Variants in CNTN5 observed in about 807,000 individuals in gnomAD.
The protein encoded by CNTN5 is contactin-5.
A neutral mutation model predicts 129.1 loss-of-function variants in CNTN5; 77 were observed. The ratio of observed to expected loss-of-function variants is 0.60; its 90% confidence interval spans 0.50 to 0.72. The LOEUF (loss-of-function observed/expected upper bound fraction) is 0.72. CNTN5 is among the 30% of genes least tolerant of loss of function. The pLI is 0.00. For missense variants in CNTN5, 1,478 were observed against 1,328.8 expected, an observed-to-expected ratio of 1.11 and a Z score of -1.75; for synonymous variants, 509 against 465.6, an observed-to-expected ratio of 1.09 and a Z score of -1.20.
intron 18 of CNTN5, among the ~76,000 whole-genome samples, chr11:100,282,354 G>C (rs148311388): frequency 6.6e-6 from 1 of 152,324 alleles, no homozygotes; most frequent in Non-Finnish European, 1.5e-5. Context: ...GTACTGCCTT[G>C]ATAATCTTGA....
At chr11:99,486,369 A>G (rs1178142450) in intron 2 of CNTN5, among the ~76,000 whole-genome samples, 3 of 152,086 alleles carry the variant, frequency 2.0e-5, no homozygotes, top group Non-Finnish European at 4.4e-5. Context: ...CATACTGTGT[A>G]TTGTTTATTC....
At chr11:100,271,050 T>G (rs1344519965) in intron 17 of CNTN5, 42 bp from the exon 18 acceptor site, 1 of 1,505,846 alleles carries the variant, frequency 6.6e-7, no homozygotes. Flanking sequence ...GTAGCATTTT[T>G]CTAGTCCTCA....
chr11:99,506,580 T>G (rs925357374), intron 2 of CNTN5, among the ~76,000 whole-genome samples: 1 of 135,078 alleles, frequency 7.4e-6, no homozygotes, highest in Non-Finnish European at 1.6e-5. Context: ...TTAAAAAAAA[T>G]TATAGTGTTT....
intron 3 of CNTN5, among the ~76,000 whole-genome samples, chr11:99,745,062 G>A (rs2135182217): frequency 6.6e-6 from 1 of 152,272 alleles, no homozygotes; most frequent in South Asian, 2.1e-4. Context: ...GCACACGTAA[G>A]TCTTGCTTGG....
intron 9 of CNTN5, among the ~76,000 whole-genome samples, chr11:100,055,712 T>G (rs1201364036): frequency 1.3e-5 from 2 of 151,646 alleles, no homozygotes; most frequent in Non-Finnish European, 3.0e-5. Context: ...CTGGCTACTT[T>G]TAATATATGT....
intron 3 of CNTN5, among the ~76,000 whole-genome samples, chr11:99,726,955 CTA>C (rs1253066454): frequency 2.0e-5 from 3 of 152,026 alleles, no homozygotes; most frequent in African/African-American, 4.8e-5. Flanking sequence ...ATAATAGAAA[CTA>C]TCTTAGTCTA....
intron 1 of CNTN5, among the ~76,000 whole-genome samples, chr11:99,233,174 T>C (rs1861090438): frequency 6.6e-6 from 1 of 152,200 alleles, no homozygotes; most frequent in Non-Finnish European, 1.5e-5. Flanking sequence ...TTATAGTGCT[T>C]TGTCACAGCT....
At chr11:99,862,361 C>G (rs1250958567) in intron 6 of CNTN5, among the ~76,000 whole-genome samples, 2 of 24,976 alleles carry the variant, frequency 8.0e-5, no homozygotes, top group East Asian at 1.2e-3. Flanking sequence ...TCGCTTATAA[C>G]AGATGTTTTT....
intron 1 of CNTN5, among the ~76,000 whole-genome samples, chr11:99,094,218 C>A (rs1378799602): frequency 6.6e-6 from 1 of 151,776 alleles, no homozygotes; most frequent in Non-Finnish European, 1.5e-5. Flanking sequence ...TTATAAAATG[C>A]TGTTTTCAAT....
chr11:99,999,137 A>C (rs1397008249), intron 8 of CNTN5, among the ~76,000 whole-genome samples: 5 of 152,108 alleles, frequency 3.3e-5, no homozygotes, highest in African/African-American at 1.2e-4. Flanking sequence ...AATGGCAACA[A>C]AAGCCAAAAT....
At chr11:99,601,114 T>C (rs1950298907) in intron 3 of CNTN5, among the ~76,000 whole-genome samples, 1 of 152,246 alleles carries the variant, frequency 6.6e-6, no homozygotes, top group African/African-American at 2.4e-5. Context: ...TGGAAGGTTT[T>C]TAATAAGTAT....
chr11:99,431,449 T>G (rs1943367158), intron 2 of CNTN5, among the ~76,000 whole-genome samples: 1 of 152,112 alleles, frequency 6.6e-6, no homozygotes, highest in South Asian at 2.1e-4. Flanking sequence ...TGGAAATGAG[T>G]AAAATTCTAG....
At chr11:100,215,315 A>G (rs1318054667) in intron 15 of CNTN5, among the ~76,000 whole-genome samples, 3 of 152,172 alleles carry the variant, frequency 2.0e-5, no homozygotes, top group Non-Finnish European at 4.4e-5. Context: ...TATTGGCATA[A>G]AAAGTTACCA....
intron 1 of CNTN5, among the ~76,000 whole-genome samples, chr11:99,045,709 C>T (rs962181676): frequency 2.0e-5 from 3 of 152,228 alleles, no homozygotes; most frequent in Middle Eastern, 6.8e-3. Flanking sequence ...CTTTAAGCAT[C>T]GGGGTGTTCA....
chr11:100,053,118 T>C (rs1305943089), intron 9 of CNTN5, among the ~76,000 whole-genome samples: 1 of 151,702 alleles, frequency 6.6e-6, no homozygotes, highest in Non-Finnish European at 1.5e-5. Context: ...CATACCTAAA[T>C]GTAAATCTAT....
chr11:99,710,633 T>G (rs373903432), intron 3 of CNTN5, among the ~76,000 whole-genome samples: 1 of 150,518 alleles, frequency 6.6e-6, no homozygotes, highest in South Asian at 2.1e-4. Context: ...GTAATAAAGG[T>G]CCACATCCCA....
intron 13 of CNTN5, among the ~76,000 whole-genome samples, chr11:100,161,121 C>T (rs1395207774): frequency 1.3e-5 from 2 of 151,740 alleles, no homozygotes; most frequent in Non-Finnish European, 2.9e-5. Flanking sequence ...ATTAGGTATC[C>T]CATTCATTTT....
intron 4 of CNTN5, among the ~76,000 whole-genome samples, chr11:99,828,318 G>A (rs1394010816): frequency 3.9e-5 from 6 of 152,092 alleles, no homozygotes; most frequent in Admixed American, 2.6e-4. Context: ...TATGCCACAG[G>A]CTGGGTAATT....
chr11:100,043,836 T>A (rs1942504884), intron 9 of CNTN5, among the ~76,000 whole-genome samples: 1 of 150,534 alleles, frequency 6.6e-6, no homozygotes, highest in Non-Finnish European at 1.5e-5. Flanking sequence ...TGATTCAGTT[T>A]GTTGTATTTC....
Sources: allele counts gnomAD v4.1 joint callset (sites outside exome capture counted in the v4.1 genomes callset), GRCh38; gene constraint gnomAD v4.1.1; transcripts MANE v1.5; gene names NCBI Gene and HGNC (gene_info 2026-07-23, HGNC 2026-07-21).